ITPR1: variants seen among roughly 807,000 people sequenced by gnomAD.
ITPR1 encodes the protein inositol 1,4,5-trisphosphate receptor type 1.
A neutral mutation model predicts 318.4 loss-of-function variants in ITPR1; 96 were observed. The ratio of observed to expected loss-of-function variants is 0.30; its 90% CI spans 0.26 to 0.36. ITPR1 has a LOEUF of 0.36. ITPR1 is among the 10% of genes least tolerant of loss of function. The pLI, the probability that ITPR1 is intolerant of heterozygous loss-of-function variation, is 1.00. For synonymous variants in ITPR1, 1,312 were observed against 1,289.9 expected, an observed-to-expected ratio of 1.02 and a Z score of -0.37; for missense variants, 2,440 against 3,460.2, an observed-to-expected ratio of 0.71 and a Z score of 7.40.
At chr3:4,752,758 G>A (rs761951321) in intron 44 of ITPR1, among the ~76,000 whole-genome samples, 11 of 152,148 alleles carry the variant, frequency 7.2e-5, no homozygotes, top group Middle Eastern at 3.2e-3. Flanking sequence ...CTCAGCCTCC[G>A]GAGTAGCTAG....
chr3:4,511,523 C>T (rs773518383), intron 2 of ITPR1, among the ~76,000 whole-genome samples: 2 of 152,158 alleles, frequency 1.3e-5, no homozygotes, highest in Non-Finnish European at 2.9e-5. Context: ...TGGTGGGTGG[C>T]GGTCTGATAG....
At chr3:4,820,823 T>G (rs1559955813) in intron 60 of ITPR1, among the ~76,000 whole-genome samples, 1 of 152,114 alleles carries the variant, frequency 6.6e-6, no homozygotes, top group Non-Finnish European at 1.5e-5. Flanking sequence ...CATGAATCCC[T>G]GCTGCGGACT....
intron 2 of ITPR1, among the ~76,000 whole-genome samples, chr3:4,505,350 G>C (rs189529890): frequency 1.3e-5 from 2 of 152,156 alleles, no homozygotes; most frequent in East Asian, 1.9e-4. Flanking sequence ...AAGCCACCAC[G>C]CCTGGCTAAT....
In ITPR1 at chr3:4,735,253, C is replaced by G. The variant is rs1323560841; in HGVS notation, c.5443C>G (p.Leu1815Val). ...CCTTGACAAGGAGGGGGCTTCCAAT[C>G]TAGTTATCGACCTCATCATGAACGC... is the stretch of plus-strand genomic sequence containing the variant. ...CHLDKEGASN[L>V]VIDLIMNASS... is the part of the protein sequence containing the mutation. Residue 1815 changes from leucine to valine, a missense_variant, in exon 44 of 62, where the codon CTA becomes GTA. Leu to Val is a conservative substitution (Grantham distance 32). Transcript: ENST00000649015. 1 of 1,613,868 alleles carries G rather than the reference C, an allele frequency of 6.2e-7. No homozygotes were observed. The highest frequency in any genetic ancestry group is 8.5e-7 in the Non-Finnish European group (1 of 1,179,772).
rs1446433165 is a variant in ITPR1 at position 4,552,327 on chromosome 3, C to T, written c.163+31233C>T. Among the ~76,000 whole-genome samples the T allele has an allele frequency of 2.0e-5, 3 of 152,330 alleles. No homozygotes were observed. The East Asian group carries it at 5.8e-4, about 29-fold the overall frequency. ...ATGCCCCACCTCCCACCTGACACAC[C>T]AGTCTGGGCCTCTGGAACGTCTGAC... is the stretch of plus-strand genomic sequence containing the variant. On this transcript the variant is annotated intron_variant, in intron 4 of 61. Coordinates refer to ENST00000649015, the MANE Select transcript of ITPR1 (RefSeq NM_001378452.1).
rs189913210 is a variant in ITPR1 at position 4,814,209 on chromosome 3, A to T, written c.7562-214A>T. On this transcript the variant is annotated intron_variant, in intron 57 of 61. Transcript: ENST00000649015. Reference sequence around the variant, plus strand: ...CCCACAGAGGGAGAGCAATACTACCATAGCTGGAGAAATTAGCGGGGGTTA... The same window carrying T: ...CCCACAGAGGGAGAGCAATACTACCTTAGCTGGAGAAATTAGCGGGGGTTA... 1.4e-5 allele frequency: 8 copies of T among 575,286 alleles called. No individual in the cohort carries two copies. In the African/African-American group the frequency reaches 1.5e-4, roughly 11 times the overall value. The allele number at this position is 575,286 out of a possible 1,614,324, so 35.6% of individuals were successfully genotyped here. A position where few individuals can be genotyped will look rare whatever the true frequency, so the allele number is the denominator to read the frequency against.
chr3:4,665,305 T>A lies in ITPR1; in HGVS notation c.1713+9T>A. ...ACTACAGGAAGAACCAGGTTTGGAT[T>A]AAGCATTGGTGGGATGTGGTTGTCA... On this transcript the variant is annotated intron_variant, in intron 17 of 61. Transcript: ENST00000649015. The A allele has an allele frequency of 6.2e-6, 10 of 1,602,822 alleles. No individual in the cohort carries two copies. Among genetic ancestry groups the A allele is most frequent in the Non-Finnish European group, 8.5e-6 (10 of 1,171,446 alleles).
intron 4 of ITPR1, among the ~76,000 whole-genome samples, chr3:4,521,974 A>T (rs1156745643): frequency 6.6e-6 from 1 of 152,208 alleles, no homozygotes; most frequent in Non-Finnish European, 1.5e-5. Flanking sequence ...ATCTTTCTCC[A>T]AAGGTAGCTT....
At chr3:4,549,817 C>A (rs1342430923) in intron 4 of ITPR1, among the ~76,000 whole-genome samples, 1 of 152,156 alleles carries the variant, frequency 6.6e-6, no homozygotes, top group African/African-American at 2.4e-5. Flanking sequence ...CATTTCTCTG[C>A]ATATTCTCCC....
At chr3:4,643,542 G>A (rs975379238) in intron 7 of ITPR1, among the ~76,000 whole-genome samples, 3 of 151,808 alleles carry the variant, frequency 2.0e-5, no homozygotes, top group African/African-American at 7.3e-5. Flanking sequence ...TTGAAAGTGG[G>A]ATAGAACAGA....
At chr3:4,841,810 C>G (rs1014138994) in intron 61 of ITPR1, among the ~76,000 whole-genome samples, 1 of 152,112 alleles carries the variant, frequency 6.6e-6, no homozygotes, top group Non-Finnish European at 1.5e-5. Flanking sequence ...CATTTGAGAT[C>G]AACTCTAAGA....
At chr3:4,708,643 T>C (rs904559202) in intron 37 of ITPR1, among the ~76,000 whole-genome samples, 3 of 152,236 alleles carry the variant, frequency 2.0e-5, no homozygotes, top group Non-Finnish European at 4.4e-5. Context: ...TGCTGGTTTC[T>C]TGTGCTCTTC....
intron 4 of ITPR1, among the ~76,000 whole-genome samples, chr3:4,603,980 C>T (rs1280495129): frequency 1.3e-5 from 2 of 152,202 alleles, no homozygotes; most frequent in Non-Finnish European, 2.9e-5. Flanking sequence ...TCTGCAACCT[C>T]TCTAACATCT....
intron 54 of ITPR1, among the ~76,000 whole-genome samples, chr3:4,801,960 G>A (rs147630827): frequency 6.6e-6 from 1 of 152,262 alleles, no homozygotes; most frequent in East Asian, 1.9e-4. Context: ...GTTCAGTAGT[G>A]ATCAGTAGGA....
At chr3:4,800,312 AC>A (rs1234003036) in intron 53 of ITPR1, 112 bp from the exon 54 acceptor site, 14 of 1,063,866 alleles carry the variant, frequency 1.3e-5, no homozygotes, top group South Asian at 1.3e-4. Flanking sequence ...GAGAGTTGGG[AC>A]TGGTAAGCCA....
chr3:4,725,799 C>T (rs1309004212), intron 41 of ITPR1, among the ~76,000 whole-genome samples: 2 of 152,238 alleles, frequency 1.3e-5, no homozygotes, highest in East Asian at 3.9e-4. Flanking sequence ...TGAGCATCCT[C>T]CAGGTGCCAG....
intron 4 of ITPR1, among the ~76,000 whole-genome samples, chr3:4,568,727 G>C (rs928821317): frequency 6.6e-6 from 1 of 152,212 alleles, no homozygotes; most frequent in East Asian, 1.9e-4. Context: ...GAGGGAGCCA[G>C]GTGTCAGGCG....
chr3:4,749,788 A>G (rs2044368027), intron 44 of ITPR1: 1 of 152,690 alleles, frequency 6.5e-6, no homozygotes, highest in Non-Finnish European at 1.5e-5. Flanking sequence ...AGTCAAAATC[A>G]TGGAGCTCAG....
In ITPR1 at chr3:4,768,751, A is replaced by C; in HGVS notation, c.5966A>C (p.Asn1989Thr). 6.2e-7 allele frequency: 1 copy of C among 1,611,322 alleles called. No homozygotes were observed. Among genetic ancestry groups the C allele is most frequent in the Non-Finnish European group, 8.5e-7 (1 of 1,178,064 alleles). Residue 1989 changes from asparagine (N) to threonine (T), a missense_variant, in exon 46 of 62, where the codon AAC (asparagine) becomes ACC (threonine). Around this residue, in one of 23 missense-constraint regions of ITPR1, gnomAD observed 76 missense variants for 162.1 expected, o/e 0.47. Transcript: ENST00000649015. ...CTTCAGCTCCTGTGTGAAAACCACA[A>C]CCGAGACCTGCAGGTGAGGGCCTGG... ...RFLQLLCENHNRDLQNFLRCQ... is the reference protein window; with the variant it reads ...RFLQLLCENHTRDLQNFLRCQ...
Sources: allele counts gnomAD v4.1 joint callset (sites outside exome capture counted in the v4.1 genomes callset), GRCh38; gene constraint gnomAD v4.1.1; regional missense constraint gnomAD v4.1.1; transcripts MANE v1.5; gene names NCBI Gene and HGNC (gene_info 2026-07-23, HGNC 2026-07-21).